ADGB: variants seen among roughly 807,000 people sequenced by gnomAD.
ADGB encodes the protein calpain-7-like protein.
Under a neutral mutation model 210.5 loss-of-function variants are expected in ADGB, and 172 were observed. That is an observed-to-expected ratio of 0.82 (90% CI 0.72 to 0.93). The LOEUF (loss-of-function observed/expected upper bound fraction) is 0.93, where lower values mean the gene tolerates loss of function less well. ADGB is among the 40% of genes least tolerant of loss of function. ADGB has a pLI of 0.00. For missense variants in ADGB, 2,025 were observed against 1,964.8 expected (o/e 1.03, Z -0.58); for synonymous variants, 658 against 662.7 (o/e 0.99, Z 0.11).
chr6:146,801,844 C>G lies in ADGB; in HGVS notation c.4651C>G (p.Pro1551Ala), dbSNP rs1721933350. ...TGTATCAAGGAAAACAGATACAGAT[C>G]CTCTGCTGCAAACAGATGAATTGAA... Reference protein sequence around the residue: ...SQYVRKTDTDPLLQTDELNQQ... With the variant: ...SQYVRKTDTDALLQTDELNQQ... The change falls in exon 35 of 36, where the codon CCT (proline) becomes GCT (alanine). Residue 1551 changes from proline to alanine, a missense_variant. Transcript: ENST00000397944. 6.5e-7 allele frequency: 1 copy of G among 1,544,562 alleles called. No individual in the cohort carries two copies. The highest frequency in any genetic ancestry group is 2.5e-5 in the East Asian group (1 of 40,428).
At chr6:146,808,888 A>G (rs1778255515) in intron 35 of ADGB, among the ~76,000 whole-genome samples, 1 of 151,740 alleles carries the variant, frequency 6.6e-6, no homozygotes, top group South Asian at 2.1e-4. Flanking sequence ...AGTCCAGCGG[A>G]GTCAAAGGAT....
At chr6:146,624,472 G>T (rs1780944311) in intron 1 of ADGB, among the ~76,000 whole-genome samples, 1 of 151,640 alleles carries the variant, frequency 6.6e-6, no homozygotes, top group South Asian at 2.1e-4. Flanking sequence ...CTATATTCTT[G>T]ATCAATCTGA....
chr6:146,791,915 A>G (rs917025859), intron 33 of ADGB, among the ~76,000 whole-genome samples: 7 of 130,584 alleles, frequency 5.4e-5, no homozygotes, highest in Non-Finnish European at 1.1e-4. Context: ...GTGCCACTGC[A>G]CCTTGCTTTT....
Position 146,635,383 on chromosome 6 carries a change from C to T in ADGB, c.83C>T (p.Pro28Leu). 1.3e-6 allele frequency: 2 copies of T among 1,513,422 alleles called. No individual in the cohort carries two copies. Among genetic ancestry groups the T allele is most frequent in the Non-Finnish European group, 1.8e-6 (2 of 1,129,254 alleles). 93.7% of individuals were successfully genotyped at this position (1,513,422 alleles called of 1,614,324 possible). A position where few individuals can be genotyped will look rare whatever the true frequency, so the allele number is the denominator to read the frequency against. ...TCTCTGTCTCTGTCTAGTTTCTATCCTTTTGGCAGTAATGTACAATCTGGT... is the reference window on the plus strand; with the variant it reads ...TCTCTGTCTCTGTCTAGTTTCTATCTTTTTGGCAGTAATGTACAATCTGGT... ...HGSDKSKDFY[P>L]FGSNVQSGST... Residue 28 changes from proline (P) to leucine (L), a missense_variant, in exon 2 of 36, where the codon CCT becomes CTT. Pro to Leu is a moderately conservative substitution (Grantham distance 98). Coordinates refer to ENST00000397944, the MANE Select transcript of ADGB (RefSeq NM_024694.4).
intron 20 of ADGB, 143 bp downstream of exon 20, chr6:146,728,884 C>T: frequency 1.5e-6 from 1 of 679,148 alleles, no homozygotes; most frequent in South Asian, 3.1e-5. Flanking sequence ...TTTCAGAAAG[C>T]AGAAATGAGG....
chr6:146,737,674 T>A (rs1303690159), intron 23 of ADGB, among the ~76,000 whole-genome samples: 1 of 152,334 alleles, frequency 6.6e-6, no homozygotes, highest in Non-Finnish European at 1.5e-5. Flanking sequence ...TCCAACCTGC[T>A]TTTGTATTTT....
At position 146,635,517 on chromosome 6, in the gene ADGB, AC is replaced by A. The variant is rs1424752201; in HGVS notation, c.218del (p.Thr73LysfsTer23). The A allele has an allele frequency of 6.5e-7, 1 of 1,543,020 alleles. No individual in the cohort carries two copies. ...AGKGAKEKDKTGKSPVFHFFE... is the reference protein window; with the variant it reads ...AGKGAKEKDKXGKSPVFHFFE... ...CAAAGGTGCAAAAGAAAAGGACAAAACAGGAAAAAGCCCTGTATTTGTAAGT... is the reference window on the plus strand; with the variant it reads ...CAAAGGTGCAAAAGAAAAGGACAAAAAGGAAAAAGCCCTGTATTTGTAAGT... On this transcript the variant is annotated frameshift_variant, in exon 2 of 36. Transcript: ENST00000397944. LOFTEE classifies it high-confidence loss of function.
In ADGB at chr6:146,787,880, T is replaced by C. The variant is rs553641158; in HGVS notation, c.4316-509T>C. Among the ~76,000 whole-genome samples, 4 of 152,302 alleles carry C rather than the reference T, an allele frequency of 2.6e-5. No individual in the cohort carries two copies. In the East Asian group the frequency reaches 7.7e-4, roughly 29 times the overall value. ...ATGGTAGGTTTTACATAGTTTTTCC[T>C]AGGCTAGGGATCTGGAACACTGAAT... On this transcript the variant is annotated intron_variant, in intron 32 of 35. Transcript: ENST00000397944.
chr6:146,784,209 C>G (rs909443077), intron 30 of ADGB, among the ~76,000 whole-genome samples: 1 of 152,166 alleles, frequency 6.6e-6, no homozygotes, highest in Non-Finnish European at 1.5e-5. Flanking sequence ...CTGGTAACAA[C>G]TGATCTTTCA....
At chr6:146,667,928 A>T (rs1285835331) in intron 7 of ADGB, among the ~76,000 whole-genome samples, 2 of 152,032 alleles carry the variant, frequency 1.3e-5, no homozygotes, top group African/African-American at 4.8e-5. Context: ...AATTCCCCCA[A>T]ACTAGGAACA....
At chr6:146,712,650 T>C (rs751043251) in intron 13 of ADGB, among the ~76,000 whole-genome samples, 1 of 152,318 alleles carries the variant, frequency 6.6e-6, no homozygotes, top group Non-Finnish European at 1.5e-5. Context: ...TTGTGGATCT[T>C]CTATTACACT....
At chr6:146,691,497 TA>T (rs1776326140) in intron 11 of ADGB, among the ~76,000 whole-genome samples, 4 of 25,924 alleles carry the variant, frequency 1.5e-4, no homozygotes, top group Non-Finnish European at 1.9e-4. Context: ...TATATATATA[TA>T]TATTTTTTTT....
chr6:146,757,422 TTGAC>T (rs1318899912), intron 27 of ADGB, among the ~76,000 whole-genome samples: 1 of 151,892 alleles, frequency 6.6e-6, no homozygotes, highest in Admixed American at 6.6e-5. Context: ...TCTCTGTTCC[TTGAC>T]TGTTTAATTC....
At chr6:146,755,683 A>T (rs144025113) in intron 27 of ADGB, among the ~76,000 whole-genome samples, 129 of 152,160 alleles carry the variant, frequency 8.5e-4, no homozygotes, top group African/African-American at 2.9e-3. Context: ...AAAATGCAAG[A>T]TTCTTGTCTC....
chr6:146,659,145 G>T (rs116416808), intron 5 of ADGB, among the ~76,000 whole-genome samples: 362 of 152,100 alleles, frequency 2.4e-3, no homozygotes, highest in Middle Eastern at 6.8e-3. Context: ...TTTTTTATCC[G>T]TTTCTTTCCT....
intron 13 of ADGB, among the ~76,000 whole-genome samples, chr6:146,709,510 G>T (rs1776626982): frequency 6.6e-6 from 1 of 152,130 alleles, no homozygotes; most frequent in Non-Finnish European, 1.5e-5. Context: ...TGCAGGATTG[G>T]GTCTAGAATG....
rs1485874502 is a variant in ADGB at position 146,764,099 on chromosome 6, A to C, written c.3749A>C (p.Gln1250Pro). 1 of 1,529,600 alleles carries C rather than the reference A, an allele frequency of 6.5e-7. No homozygotes were observed. Among genetic ancestry groups the C allele is most frequent in the Non-Finnish European group, 8.8e-7 (1 of 1,137,460 alleles). The allele number at this position is 1,529,600 out of a possible 1,614,324, so 94.8% of individuals were successfully genotyped here. The part of the protein sequence containing the change: ...TREDSSSTPL[Q>P]NYKYIIQCSV... ...GAAGACAGTTCCAGCACACCACTGC[A>C]GGTATATTAAAAACAATTGTTCAAT... The change falls in exon 28 of 36, where the codon CAG (glutamine) becomes CCG (proline). Residue 1250 changes from glutamine (Q) to proline (P), a missense_variant and splice_region_variant. Physicochemically the swap from Gln to Pro is moderately conservative, Grantham distance 76. Coordinates refer to ENST00000397944, the MANE Select transcript of ADGB (RefSeq NM_024694.4).
At chr6:146,755,095 A>G (rs1200226992) in intron 27 of ADGB, among the ~76,000 whole-genome samples, 1 of 152,004 alleles carries the variant, frequency 6.6e-6, no homozygotes, top group Non-Finnish European at 1.5e-5. Flanking sequence ...TTTTTCATGT[A>G]TTATATTTTT....
At chr6:146,747,780 T>TAA (rs1477712773) in intron 26 of ADGB, among the ~76,000 whole-genome samples, 1 of 113,440 alleles carries the variant, frequency 8.8e-6, no homozygotes, top group South Asian at 2.8e-4. Flanking sequence ...TATATATATA[T>TAA]GTATTTTTTT....
Sources: gnomAD v4.1 joint callset for allele counts (sites outside exome capture counted in the v4.1 genomes callset) on GRCh38, gnomAD v4.1.1 for gene constraint, MANE v1.5 for transcripts, NCBI Gene and HGNC (gene_info 2026-07-23, HGNC 2026-07-21) for gene names.